ARHGAP10: variants seen among roughly 807,000 people sequenced by gnomAD.
The protein encoded by ARHGAP10 is Rho GTPase activating protein 10.
In ARHGAP10, 87 loss-of-function variants were observed where a neutral mutation model predicts 108.6. The observed-to-expected ratio is 0.80, with a 90% CI of 0.67 to 0.96. The LOEUF (loss-of-function observed/expected upper bound fraction) is 0.96, where lower values mean the gene tolerates loss of function less well. ARHGAP10 is among the 40% of genes least tolerant of loss of function. ARHGAP10 has a pLI of 0.00. For missense variants in ARHGAP10, 939 were observed against 954.5 expected (o/e 0.98, Z 0.21); for synonymous variants, 347 against 341.1 (o/e 1.02, Z -0.19).
intron 1 of ARHGAP10, among the ~76,000 whole-genome samples, chr4:147,805,635 C>T (rs1731752386): frequency 6.6e-6 from 1 of 151,942 alleles, no homozygotes; most frequent in African/African-American, 2.4e-5. Flanking sequence ...TCTTAGAAAA[C>T]CAAAGCAAAA....
chr4:147,777,514 C>G (rs1730348936), intron 1 of ARHGAP10, among the ~76,000 whole-genome samples: 1 of 152,018 alleles, frequency 6.6e-6, no homozygotes, highest in African/African-American at 2.4e-5. Context: ...GCCTGCCTCC[C>G]AGAGTGCTGG....
chr4:147,811,972 C>T (rs781714413), intron 1 of ARHGAP10, among the ~76,000 whole-genome samples: 4 of 152,150 alleles, frequency 2.6e-5, no homozygotes, highest in Admixed American at 6.5e-5. Flanking sequence ...ATCAACGAGG[C>T]GGCTGAGCTG....
At chr4:147,764,585 G>GTGGTGGAC (rs1247428227) in intron 1 of ARHGAP10, among the ~76,000 whole-genome samples, 5 of 152,062 alleles carry the variant, frequency 3.3e-5, no homozygotes, top group African/African-American at 1.2e-4. Flanking sequence ...CAAGGGTGGA[G>GTGGTGGAC]TGCAGTGGCG....
chr4:147,818,138 A>T (rs1384881710), intron 1 of ARHGAP10, among the ~76,000 whole-genome samples: 4 of 150,716 alleles, frequency 2.7e-5, no homozygotes, highest in Non-Finnish European at 5.9e-5. Context: ...CTATCTCTGA[A>T]CCTATTTTTT....
intron 10 of ARHGAP10, among the ~76,000 whole-genome samples, chr4:147,904,594 A>T (rs1038634896): frequency 6.6e-6 from 1 of 152,120 alleles, no homozygotes; most frequent in Non-Finnish European, 1.5e-5. Context: ...GTATTCCATG[A>T]TGTATATGTG....
chr4:147,925,459 T>A (rs1578696764), intron 13 of ARHGAP10, among the ~76,000 whole-genome samples: 1 of 152,340 alleles, frequency 6.6e-6, no homozygotes, highest in East Asian at 1.9e-4. Context: ...ATTTTGCTAG[T>A]ACTTAAACCT....
At chr4:148,032,462 C>T (rs1578809018) in intron 19 of ARHGAP10, among the ~76,000 whole-genome samples, 1 of 151,002 alleles carries the variant, frequency 6.6e-6, no homozygotes, top group African/African-American at 2.4e-5. Context: ...ATTAGCAAGT[C>T]TGTACCTTGT....
intron 10 of ARHGAP10, among the ~76,000 whole-genome samples, chr4:147,895,521 A>AT: frequency 6.6e-6 from 1 of 151,056 alleles, no homozygotes; most frequent in East Asian, 1.9e-4. Context: ...TCAAAAAAAA[A>AT]AAAAAAAAAA....
At chr4:147,975,208 T>C (rs1739548040) in intron 18 of ARHGAP10, among the ~76,000 whole-genome samples, 1 of 152,196 alleles carries the variant, frequency 6.6e-6, no homozygotes, top group South Asian at 2.1e-4. Context: ...TGTCTTTTTT[T>C]TGGTGTGACA....
chr4:147,941,056 C>G (rs1738148819), intron 14 of ARHGAP10, among the ~76,000 whole-genome samples: 1 of 152,176 alleles, frequency 6.6e-6, no homozygotes, highest in Admixed American at 6.5e-5. Flanking sequence ...GGTTCAGTAG[C>G]AGCTGGAAGA....
At chr4:147,796,215 T>G (rs1241560732) in intron 1 of ARHGAP10, among the ~76,000 whole-genome samples, 1 of 152,240 alleles carries the variant, frequency 6.6e-6, no homozygotes, top group East Asian at 1.9e-4. Context: ...CATTGAACAT[T>G]TGTTGAAACC....
At chr4:147,743,219 G>A (rs1317461593) in intron 1 of ARHGAP10, among the ~76,000 whole-genome samples, 1 of 151,822 alleles carries the variant, frequency 6.6e-6, no homozygotes, top group Non-Finnish European at 1.5e-5. Flanking sequence ...ATTTTTAGTG[G>A]AGATGGGGTT....
chr4:147,745,051 A>G (rs937866713), intron 1 of ARHGAP10, among the ~76,000 whole-genome samples: 2 of 152,068 alleles, frequency 1.3e-5, no homozygotes, highest in African/African-American at 2.4e-5. Flanking sequence ...GAGATGGAAA[A>G]CCAGGAGAGG....
chr4:147,972,833 C>A (rs1739461009), intron 18 of ARHGAP10, among the ~76,000 whole-genome samples: 1 of 152,010 alleles, frequency 6.6e-6, no homozygotes, highest in Non-Finnish European at 1.5e-5. Flanking sequence ...TGGCTCACTG[C>A]AATCTCTGCC....
chr4:148,024,589 G>A lies in ARHGAP10; in HGVS notation c.1867+1176G>A, dbSNP rs537096502. 4.3e-4 allele frequency among the ~76,000 whole-genome samples: 66 copies of A among 152,300 alleles called. 2 individuals carry two copies. In the South Asian group the frequency reaches 0.012, roughly 27 times the overall value. On this transcript the variant is annotated intron_variant, in intron 19 of 22. Transcript: ENST00000336498. ...GGGATTCTTTTATATTGCTTAAGAC[G>A]TAGGTACATATGATACAAATATTAG... is the stretch of plus-strand genomic sequence containing the variant.
chr4:147,783,143 CAT>C (rs905474170), intron 1 of ARHGAP10, among the ~76,000 whole-genome samples: 43 of 139,712 alleles, frequency 3.1e-4, no homozygotes, highest in South Asian at 6.7e-4. Context: ...ATATAACACA[CAT>C]TAAATTATAT....
At chr4:147,796,264 T>C (rs971391242) in intron 1 of ARHGAP10, among the ~76,000 whole-genome samples, 1 of 152,230 alleles carries the variant, frequency 6.6e-6, no homozygotes, top group South Asian at 2.1e-4. Flanking sequence ...AAGATGAATA[T>C]AATTAATCCT....
chr4:147,937,073 C>T (rs1317716921), intron 13 of ARHGAP10, among the ~76,000 whole-genome samples: 1 of 152,204 alleles, frequency 6.6e-6, no homozygotes, highest in African/African-American at 2.4e-5. Context: ...ACCATCCCCC[C>T]CACCCCAATC....
At chr4:147,905,466 A>C (rs13119246) in intron 10 of ARHGAP10, among the ~76,000 whole-genome samples, 84,510 of 112,466 alleles carry the variant, frequency 0.75, 35,413 homozygotes, top group Non-Finnish European at 0.92. Context: ...GCCAGTTTTC[A>C]CAGCACCATT....
Sources: gnomAD v4.1 joint callset for allele counts (sites outside exome capture counted in the v4.1 genomes callset) on GRCh38, gnomAD v4.1.1 for gene constraint, MANE v1.5 for transcripts, NCBI Gene and HGNC (gene_info 2026-07-23, HGNC 2026-07-21) for gene names.